The following C17orf107 variants were observed in gnomAD, a reference collection of about 807,000 sequenced individuals.
C17orf107 encodes uncharacterized protein C17orf107.
In C17orf107, 9 loss-of-function variants were observed where a neutral mutation model predicts 8.9. The ratio of observed to expected loss-of-function variants is 1.02; its 90% CI spans 0.61 to 1.77. The LOEUF (loss-of-function observed/expected upper bound fraction) is 1.77, where lower values mean the gene tolerates loss of function less well. Ranked by LOEUF, C17orf107 falls within the 40% of genes most tolerant of loss-of-function variation. The pLI is 0.00. For missense variants in C17orf107, 281 were observed against 249.0 expected (o/e 1.13, Z -0.86); for synonymous variants, 139 against 120.3 (o/e 1.16, Z -1.02).
rs373084870 is a variant in C17orf107 at position 4,901,483 on chromosome 17, C to A, written c.*950C>A. On this transcript the variant is annotated 3_prime_UTR_variant, in exon 3 of 3. Coordinates refer to ENST00000381365, the MANE Select transcript of C17orf107 (RefSeq NM_001145536.2). ...CACCGTGGAAGTCCCCTCTCTGGAC[C>A]CCGTCTAGAAGCGGGTTTTTCTGAG... 11 of 1,580,236 alleles carry A rather than the reference C, an allele frequency of 7.0e-6. No homozygotes were observed. The African/African-American group carries it at 1.1e-4, about 15-fold the overall frequency.
rs916950933 is a variant in C17orf107, at chr17:4,900,654, C to G, written c.*121C>G. ...GAGGACGGCGGACCAGGGACTCCAT[C>G]CCCGTACCAGCCCCACCCAGCGTCC... On this transcript the variant is annotated 3_prime_UTR_variant, in exon 3 of 3. Coordinates refer to ENST00000381365, the MANE Select transcript of C17orf107 (RefSeq NM_001145536.2). The G allele has an allele frequency of 9.6e-5, 139 of 1,443,774 alleles. 1 individual carries two copies. The African/African-American group carries it at 1.8e-3, about 19-fold the overall frequency. 89.4% of individuals were successfully genotyped at this position (1,443,774 alleles called of 1,614,324 possible). A position where few individuals can be genotyped will look rare whatever the true frequency, so the allele number is the denominator to read the frequency against.
Position 4,901,671 on chromosome 17 carries a change from G to T in C17orf107, c.*1138G>T, listed in dbSNP as rs766968548. On this transcript the variant is annotated 3_prime_UTR_variant, in exon 3 of 3. Transcript: ENST00000381365. ...GCCCACCCCAGAAGCTCTGACCTGGGCCCCGGCCTCAGGCCCAGCCCTGGA... is the reference window on the plus strand; with the variant it reads ...GCCCACCCCAGAAGCTCTGACCTGGTCCCCGGCCTCAGGCCCAGCCCTGGA... The T allele has an allele frequency of 1.3e-6, 2 of 1,567,428 alleles. No individual in the cohort carries two copies. The highest frequency in any genetic ancestry group is 1.8e-6 in the Non-Finnish European group (2 of 1,140,108).
Position 4,901,746 on chromosome 17 carries a change from C to G in C17orf107, c.*1213C>G, listed in dbSNP as rs1969993248. 8.0e-7 allele frequency: 1 copy of G among 1,257,418 alleles called. No individual in the cohort carries two copies. Among genetic ancestry groups the G allele is most frequent in the African/African-American group, 1.5e-5 (1 of 67,670 alleles). 77.9% of individuals were successfully genotyped at this position (1,257,418 alleles called of 1,614,324 possible). On this transcript the variant is annotated 3_prime_UTR_variant, in exon 3 of 3. Coordinates refer to ENST00000381365, the MANE Select transcript of C17orf107 (RefSeq NM_001145536.2). ...TCCCAAGCCCACCCCTTCACCCAAG[C>G]CCAGCCCGCACGCCTCTGTTCCCAT... is the stretch of plus-strand genomic sequence containing the variant.
Position 4,901,645 on chromosome 17 carries a change from A to C in C17orf107, c.*1112A>C, listed in dbSNP as rs1474346394. ...TGAGAGCTGCGGAGCCAGGGCCGGGAGCCCACCCCAGAAGCTCTGACCTGG... is the reference window on the plus strand; with the variant it reads ...TGAGAGCTGCGGAGCCAGGGCCGGGCGCCCACCCCAGAAGCTCTGACCTGG... On this transcript the variant is annotated 3_prime_UTR_variant, in exon 3 of 3. Transcript: ENST00000381365. The C allele has an allele frequency of 6.2e-7, 1 of 1,608,410 alleles. No homozygotes were observed.
At position 4,899,666 on chromosome 17, in the gene C17orf107, C is replaced by CT; in HGVS notation, c.-96dup. The stretch of plus-strand genomic sequence containing the variant: ...CGCGCTGACCTCACAAACACGGCTT[C>CT]TCCTGGTACGGGCTGGTTACGCCCT... On this transcript the variant is annotated 5_prime_UTR_variant, in exon 1 of 3. Transcript: ENST00000381365. The CT allele has an allele frequency of 1.4e-6, 2 of 1,446,810 alleles. No individual in the cohort carries two copies. Among genetic ancestry groups the CT allele is most frequent in the Non-Finnish European group, 1.9e-6 (2 of 1,052,064 alleles). The allele number at this position is 1,446,810 out of a possible 1,614,324, so 89.6% of individuals were successfully genotyped here. A position where few individuals can be genotyped will look rare whatever the true frequency, so the allele number is the denominator to read the frequency against.
chr17:4,901,250 C>A lies in C17orf107; in HGVS notation c.*717C>A. The A allele has an allele frequency of 1.3e-6, 2 of 1,567,976 alleles. No homozygotes were observed. The highest frequency in any genetic ancestry group is 8.6e-7 in the Non-Finnish European group (1 of 1,156,112). On this transcript the variant is annotated 3_prime_UTR_variant, in exon 3 of 3. Transcript: ENST00000381365. ...AGCGGGGCGCCCGCCGAGCTGACAG[C>A]GGGCTGAAGAGGAGGCTGCGGCTGT...
chr17:4,901,208 G>T lies in C17orf107; in HGVS notation c.*675G>T. The stretch of plus-strand genomic sequence containing the variant: ...GCCGTTCTCTGCGGGACGGGGGCAC[G>T]GTCAGCTGGCTGTCAGAGCGGGGCG... On this transcript the variant is annotated 3_prime_UTR_variant, in exon 3 of 3. Transcript: ENST00000381365. 6.3e-7 allele frequency: 1 copy of T among 1,597,582 alleles called. No homozygotes were observed.
Position 4,901,833 on chromosome 17 carries a change from G to C in C17orf107, c.*1300G>C. 6.5e-7 allele frequency: 1 copy of C among 1,547,874 alleles called. No individual in the cohort carries two copies. Among genetic ancestry groups the C allele is most frequent in the Non-Finnish European group, 8.9e-7 (1 of 1,128,568 alleles). On this transcript the variant is annotated 3_prime_UTR_variant, in exon 3 of 3. Transcript: ENST00000381365. ...GCCTACGCCTGGCTCCGCCTCCAGC[G>C]CGAAGCCCCGCCCCGAGGGCGGTGC...
chr17:4,900,169 T>C, intron 2 of C17orf107, 24 bp downstream of exon 2: 1 of 1,546,430 alleles, frequency 6.5e-7, no homozygotes, highest in Non-Finnish European at 8.7e-7. Flanking sequence ...GGGCTTAGGA[T>C]ACGCGGCGAT....
rs1279972206 is a variant in C17orf107, at chr17:4,899,692, C to T, written c.-71C>T. On this transcript the variant is annotated 5_prime_UTR_variant, in exon 1 of 3. Transcript: ENST00000381365. ...TCCTGGTACGGGCTGGTTACGCCCT[C>T]CAGCTGCGCCCCCTACACGACGACA... The T allele has an allele frequency of 6.8e-7, 1 of 1,468,090 alleles. No individual in the cohort carries two copies. The highest frequency in any genetic ancestry group is 2.0e-5 in the Admixed American group (1 of 50,888). 90.9% of individuals were successfully genotyped at this position (1,468,090 alleles called of 1,614,324 possible).
rs1019398391 is a variant in C17orf107 at position 4,900,569 on chromosome 17, C to T, written c.*36C>T. On this transcript the variant is annotated 3_prime_UTR_variant, in exon 3 of 3. Transcript: ENST00000381365. ...CGGCGGGGCTAGGGAGGCACTGAGC[C>T]GGACTGTCCCCCAAGAGAGCTACTC... 1.6e-5 allele frequency: 25 copies of T among 1,549,458 alleles called. No homozygotes were observed. The highest frequency in any genetic ancestry group is 2.1e-5 in the Non-Finnish European group (24 of 1,146,538).
rs766798452 is a variant in C17orf107 at position 4,902,030 on chromosome 17, G to A, written c.*1497G>A. ...TGGCCGGAGGCAGCCACGTCACGGA[G>A]CCGCCCTCGTAGACGAGCACGTTGG... On this transcript the variant is annotated 3_prime_UTR_variant, in exon 3 of 3. Coordinates refer to ENST00000381365, the MANE Select transcript of C17orf107 (RefSeq NM_001145536.2). This position sits in a 1 kb window ranked among gnomAD's most constrained non-coding sequence, Gnocchi z 4.0. 1.2e-6 allele frequency: 2 copies of A among 1,614,006 alleles called. No homozygotes were observed. The highest frequency in any genetic ancestry group is 2.2e-5 in the East Asian group (1 of 44,900).
At position 4,901,244 on chromosome 17, in the gene C17orf107, T is replaced by G; in HGVS notation, c.*711T>G. ...TGTCAGAGCGGGGCGCCCGCCGAGC[T>G]GACAGCGGGCTGAAGAGGAGGCTGC... On this transcript the variant is annotated 3_prime_UTR_variant, in exon 3 of 3. Transcript: ENST00000381365. 1 of 1,576,216 alleles carries G rather than the reference T, an allele frequency of 6.3e-7. No homozygotes were observed. Among genetic ancestry groups the G allele is most frequent in the Non-Finnish European group, 8.6e-7 (1 of 1,162,102 alleles).
downstream of C17orf107, among the ~76,000 whole-genome samples, chr17:4,903,976 A>G (rs2661696): frequency 1 from 152,016 of 152,270 alleles, 75,881 homozygotes; most frequent in Middle Eastern, 1. Context: ...TCCTGCCTCA[A>G]CCTCTGGAGT....
Position 4,901,647 on chromosome 17 carries a change from C to A in C17orf107, c.*1114C>A. On this transcript the variant is annotated 3_prime_UTR_variant, in exon 3 of 3. Transcript: ENST00000381365. ...AGAGCTGCGGAGCCAGGGCCGGGAG[C>A]CCACCCCAGAAGCTCTGACCTGGGC... 2.5e-6 allele frequency: 4 copies of A among 1,607,702 alleles called. No homozygotes were observed. Among genetic ancestry groups the A allele is most frequent in the African/African-American group, 1.3e-5 (1 of 74,964 alleles).
chr17:4,899,637 G>A lies in C17orf107; in HGVS notation c.-126G>A, dbSNP rs1969889136. On this transcript the variant is annotated 5_prime_UTR_variant, in exon 1 of 3. Transcript: ENST00000381365. ...GTTCCTCCTCCCAGCTACCGAAGGCGCCGCGCGCTGACCTCACAAACACGG... is the reference window on the plus strand; with the variant it reads ...GTTCCTCCTCCCAGCTACCGAAGGCACCGCGCGCTGACCTCACAAACACGG... The A allele has an allele frequency of 1.4e-6, 2 of 1,471,700 alleles. No individual in the cohort carries two copies. Among genetic ancestry groups the A allele is most frequent in the Non-Finnish European group, 1.9e-6 (2 of 1,074,508 alleles). 91.2% of individuals were successfully genotyped at this position (1,471,700 alleles called of 1,614,324 possible).
rs1555546937 is a variant in C17orf107, at chr17:4,901,891, C to CCT, written c.*1359_*1360insTC. On this transcript the variant is annotated 3_prime_UTR_variant, in exon 3 of 3. Transcript: ENST00000381365. Reference sequence around the variant, plus strand: ...TTGGCCCCGCCCCATAAGGCCCCCCCCCAACAATAATCGTCCGGGCCTCGG... The same window carrying CCT: ...TTGGCCCCGCCCCATAAGGCCCCCCCCTCCAACAATAATCGTCCGGGCCTCGG... 19 of 1,606,202 alleles carry CCT rather than the reference C, an allele frequency of 1.2e-5. No individual in the cohort carries two copies. The highest frequency in any genetic ancestry group is 4.0e-4 in the Middle Eastern group (2 of 5,030).
At chr17:4,903,645 T>C (rs1053860764), downstream of C17orf107, among the ~76,000 whole-genome samples, 5 of 152,086 alleles carry the variant, frequency 3.3e-5, no homozygotes, top group Non-Finnish European at 5.9e-5. Context: ...AAGGAGATCA[T>C]GTAAAGGACC....
chr17:4,901,804 C>G lies in C17orf107; in HGVS notation c.*1271C>G. ...TCCGGCCGCGCTGGAGCGTCCCACC[C>G]AGTGCCTACGCCTGGCTCCGCCTCC... On this transcript the variant is annotated 3_prime_UTR_variant, in exon 3 of 3. Coordinates refer to ENST00000381365, the MANE Select transcript of C17orf107 (RefSeq NM_001145536.2). The G allele has an allele frequency of 1.4e-6, 2 of 1,413,244 alleles. No individual in the cohort carries two copies. The highest frequency in any genetic ancestry group is 2.0e-6 in the Non-Finnish European group (2 of 1,009,134). 87.5% of individuals were successfully genotyped at this position (1,413,244 alleles called of 1,614,324 possible). A position where few individuals can be genotyped will look rare whatever the true frequency, so the allele number is the denominator to read the frequency against.
Sources: allele counts gnomAD v4.1 joint callset (sites outside exome capture counted in the v4.1 genomes callset), GRCh38; gene constraint gnomAD v4.1.1; non-coding constraint Gnocchi (gnomAD v3.1); transcripts MANE v1.5; gene names NCBI Gene and HGNC (gene_info 2026-07-23, HGNC 2026-07-21).